Variants in CDS2 observed in about 807,000 individuals in gnomAD.
CDS2 encodes phosphatidate cytidylyltransferase 2.
A neutral mutation model predicts 59.0 loss-of-function variants in CDS2; 47 were observed. The observed-to-expected ratio is 0.80, with a 90% CI of 0.63 to 1.02. CDS2 has a LOEUF of 1.02. Ranked by LOEUF, CDS2 falls within the 50% of genes least tolerant of loss-of-function variation. The pLI is 0.00. For synonymous variants in CDS2, 207 were observed against 206.4 expected (o/e 1.00, Z -0.02); for missense variants, 356 against 558.9 (o/e 0.64, Z 3.66).
intron 1 of CDS2, among the ~76,000 whole-genome samples, chr20:5,148,014 A>G (rs576374790): frequency 5.3e-5 from 8 of 152,056 alleles, no homozygotes; most frequent in Non-Finnish European, 7.4e-5. Flanking sequence ...GCTGGAGTGC[A>G]GTGGCATGAT....
chr20:5,169,193 G>A (rs2090936653), intron 1 of CDS2, among the ~76,000 whole-genome samples: 1 of 152,232 alleles, frequency 6.6e-6, no homozygotes, highest in Non-Finnish European at 1.5e-5. Flanking sequence ...GAACCTGAGA[G>A]GGTCTGCCCC....
At chr20:5,146,620 G>C (rs369089890) in intron 1 of CDS2, among the ~76,000 whole-genome samples, 6 of 152,270 alleles carry the variant, frequency 3.9e-5, no homozygotes, top group African/African-American at 1.4e-4. Flanking sequence ...GGATGTTGCT[G>C]TTATTTATGA....
At chr20:5,162,991 C>T (rs1166723610) in intron 1 of CDS2, among the ~76,000 whole-genome samples, 2 of 152,152 alleles carry the variant, frequency 1.3e-5, no homozygotes, top group Non-Finnish European at 2.9e-5. Context: ...TCTCCAGAGC[C>T]TAGGGAGATC....
At chr20:5,151,750 CTTTTT>C (rs57378947) in intron 1 of CDS2, among the ~76,000 whole-genome samples, 2 of 53,176 alleles carry the variant, frequency 3.8e-5, no homozygotes, top group African/African-American at 1.2e-4. Flanking sequence ...GACTCCATGT[CTTTTT>C]TTTTTTTTTT....
intron 1 of CDS2, among the ~76,000 whole-genome samples, chr20:5,142,868 T>G (rs2090706813): frequency 6.6e-6 from 1 of 152,104 alleles, no homozygotes; most frequent in African/African-American, 2.4e-5. Context: ...TTTTTTATTT[T>G]TTTTGAGACA....
intron 1 of CDS2, among the ~76,000 whole-genome samples, chr20:5,150,557 A>G (rs1312347256): frequency 6.6e-6 from 1 of 152,162 alleles, no homozygotes; most frequent in Non-Finnish European, 1.5e-5. Context: ...CTTTGTACCC[A>G]GTCTCGGAGA....
chr20:5,138,602 C>T (rs1568528324), intron 1 of CDS2, among the ~76,000 whole-genome samples: 1 of 151,924 alleles, frequency 6.6e-6, no homozygotes, highest in Non-Finnish European at 1.5e-5. Context: ...TCTCCTGCCT[C>T]AGCCTCCCAA....
rs577642214 is a variant in CDS2 at position 5,191,110 on chromosome 20, C to G, written c.*876C>G. The G allele has an allele frequency of 2.6e-5, 4 of 152,620 alleles. No individual in the cohort carries two copies. Among genetic ancestry groups the G allele is most frequent in the African/African-American group, 9.7e-5 (4 of 41,426 alleles). The allele number at this position is 152,620 out of a possible 1,614,324, so 9.5% of individuals were successfully genotyped here. On this transcript the variant is annotated 3_prime_UTR_variant, in exon 13 of 13. Coordinates refer to ENST00000460006, the MANE Select transcript of CDS2 (RefSeq NM_003818.4). ...ATCGGGCAGGGAGCAGAGGGCTTCTCGTTCATGCACCCTTTGCCTGAACAC... is the reference window on the plus strand; with the variant it reads ...ATCGGGCAGGGAGCAGAGGGCTTCTGGTTCATGCACCCTTTGCCTGAACAC...
intron 1 of CDS2, among the ~76,000 whole-genome samples, chr20:5,159,804 G>A (rs999830961): frequency 2.6e-5 from 4 of 151,984 alleles, no homozygotes; most frequent in Non-Finnish European, 4.4e-5. Flanking sequence ...AGTTTAAAAA[G>A]CAAACCAACC....
chr20:5,183,144 G>A lies in CDS2; in HGVS notation c.671+1G>A. Reference sequence around the variant, plus strand: ...ACAACCTATTTGAAGGAATGATCTGGTGAGAATTGGGAGTTGGATTTTCCC... The same window carrying A: ...ACAACCTATTTGAAGGAATGATCTGATGAGAATTGGGAGTTGGATTTTCCC... On this transcript the variant is annotated splice_donor_variant, in intron 7 of 12. Transcript: ENST00000460006. LOFTEE classifies it high-confidence loss of function. The A allele has an allele frequency of 6.2e-7, 1 of 1,612,966 alleles. No individual in the cohort carries two copies. The highest frequency in any genetic ancestry group is 8.5e-7 in the Non-Finnish European group (1 of 1,178,988).
chr20:5,160,494 A>C (rs1156245431), intron 1 of CDS2, among the ~76,000 whole-genome samples: 1 of 152,178 alleles, frequency 6.6e-6, no homozygotes. Context: ...TGCATTGTCC[A>C]GTATAGTAGC....
intron 5 of CDS2, among the ~76,000 whole-genome samples, chr20:5,179,600 T>C (rs1431433513): frequency 6.6e-6 from 1 of 152,204 alleles, no homozygotes; most frequent in Non-Finnish European, 1.5e-5. Flanking sequence ...TTACCATCTT[T>C]AGGGGAGTCA....
intron 1 of CDS2, among the ~76,000 whole-genome samples, chr20:5,135,456 G>GTCATGTTTGTGT (rs1555780016): frequency 2.6e-4 from 36 of 139,400 alleles, no homozygotes; most frequent in African/African-American, 1.2e-3. Context: ...CTGTTTGTGT[G>GTCATGTTTGTGT]TCATACTGCC....
At chr20:5,158,374 G>A (rs2090850592) in intron 1 of CDS2, among the ~76,000 whole-genome samples, 1 of 152,072 alleles carries the variant, frequency 6.6e-6, no homozygotes, top group Non-Finnish European at 1.5e-5. Flanking sequence ...GTTTCACCAT[G>A]TTGTCCAGGT....
intron 1 of CDS2, among the ~76,000 whole-genome samples, chr20:5,151,789 A>G (rs2090792975): frequency 2.3e-5 from 2 of 88,262 alleles, no homozygotes; most frequent in Non-Finnish European, 2.1e-5. Context: ...TTTGAGACGG[A>G]GTTTCGCTCT....
At chr20:5,176,417 CAGGGTGTGTATTTTA>C (rs1235217524) in intron 3 of CDS2, 4 of 489,828 alleles carry the variant, frequency 8.2e-6, no homozygotes, top group African/African-American at 1.9e-5. Flanking sequence ...ATTGAAACAT[CAGGGTGTGTATTTTA>C]TTGTGAGTGG....
At chr20:5,154,570 CT>C (rs1259452798) in intron 1 of CDS2, among the ~76,000 whole-genome samples, 1 of 143,148 alleles carries the variant, frequency 7.0e-6, no homozygotes, top group Non-Finnish European at 1.6e-5. Flanking sequence ...AGGATGTAGC[CT>C]TTTGAAGTGC....
At chr20:5,146,950 C>T (rs2090748621) in intron 1 of CDS2, among the ~76,000 whole-genome samples, 1 of 152,216 alleles carries the variant, frequency 6.6e-6, no homozygotes, top group Non-Finnish European at 1.5e-5. Context: ...GCCATCACTT[C>T]ATACTTCAGT....
At chr20:5,173,394 C>T in intron 1 of CDS2, 129 bp from the exon 2 acceptor site, 2 of 1,017,918 alleles carry the variant, frequency 2.0e-6, no homozygotes, top group Middle Eastern at 2.2e-4. Flanking sequence ...AGTCCCATCA[C>T]CTGACTGTGC....
Sources: gnomAD v4.1 joint callset for allele counts (sites outside exome capture counted in the v4.1 genomes callset) on GRCh38, gnomAD v4.1.1 for gene constraint, MANE v1.5 for transcripts, NCBI Gene and HGNC (gene_info 2026-07-23, HGNC 2026-07-21) for gene names.